Variants in TMEM131 observed in about 807,000 individuals in gnomAD.
The protein encoded by TMEM131 is transmembrane protein 131.
A neutral mutation model predicts 211.6 loss-of-function variants in TMEM131; 66 were observed. The observed-to-expected ratio is 0.31, with a 90% CI of 0.26 to 0.38. TMEM131 has a LOEUF of 0.38. Ranked by LOEUF, TMEM131 falls within the 10% of genes least tolerant of loss-of-function variation. TMEM131 has a pLI of 1.00. For missense variants in TMEM131, 2,036 were observed against 2,299.3 expected, an observed-to-expected ratio of 0.89 and a Z score of 2.34; for synonymous variants, 844 against 841.3, an observed-to-expected ratio of 1.00 and a Z score of -0.06.
chr2:97,833,441 G>A lies in TMEM131; in HGVS notation c.1013-15C>T, dbSNP rs1416030314. On this transcript the variant is annotated splice_polypyrimidine_tract_variant and intron_variant, in intron 10 of 40. Coordinates refer to ENST00000186436, the MANE Select transcript of TMEM131 (RefSeq NM_015348.2). ...TTTTGGTAGATCTGTTAAAATTGAGGAAAAGAAATATTTCTTAAAAAGGTG... is the reference window on the plus strand; with the variant it reads ...TTTTGGTAGATCTGTTAAAATTGAGAAAAAGAAATATTTCTTAAAAAGGTG... 8.3e-7 allele frequency: 1 copy of A among 1,209,900 alleles called. No homozygotes were observed. The allele number at this position is 1,209,900 out of a possible 1,614,324, so 74.9% of individuals were successfully genotyped here. A position where few individuals can be genotyped will look rare whatever the true frequency, so the allele number is the denominator to read the frequency against.
rs1559464622 is a variant in TMEM131, at chr2:97,943,067, AAGAAAGAAAGAAAGAAAG to A, written c.188-15598_188-15581del. 1.8e-3 allele frequency among the ~76,000 whole-genome samples: 254 copies of A among 138,306 alleles called. 3 individuals are homozygous for A. Among genetic ancestry groups the A allele is most frequent in the East Asian group, 0.017 (83 of 4,992 alleles). 90.7% of individuals were successfully genotyped at this position (138,306 alleles called of 152,430 possible). A position where few individuals can be genotyped will look rare whatever the true frequency, so the allele number is the denominator to read the frequency against. On this transcript the variant is annotated intron_variant, in intron 1 of 40. Transcript: ENST00000186436. ...AAAGAAAGAAAGAAAGAAAGAAAGA[AAGAAAGAAAGAAAGAAAG>A]AAAGAAAGAAAGAAAGAGCTGGGTG...
Position 97,980,000 on chromosome 2 carries a change from A to C in TMEM131, c.187+15476T>G, listed in dbSNP as rs140579558. The stretch of plus-strand genomic sequence containing the variant: ...AGTACTACTAATTGTCCTAATTTCA[A>C]TATTGTTGTCTCAGAGAAAACGACA... On this transcript the variant is annotated intron_variant, in intron 1 of 40. Coordinates refer to ENST00000186436, the MANE Select transcript of TMEM131 (RefSeq NM_015348.2). Among the ~76,000 whole-genome samples the C allele has an allele frequency of 3.9e-5, 6 of 152,254 alleles. No individual in the cohort carries two copies. In the East Asian group the frequency reaches 1.2e-3, roughly 29 times the overall value.
At chr2:97,801,793 C>T in intron 25 of TMEM131, 102 bp downstream of exon 25, 1 of 806,484 alleles carries the variant, frequency 1.2e-6, no homozygotes, top group Non-Finnish European at 1.9e-6. Flanking sequence ...AGTAACTTAC[C>T]CTTCAGCCAA....
At chr2:97,782,649 AAAG>A (rs1463709067) in intron 31 of TMEM131, among the ~76,000 whole-genome samples, 1 of 152,254 alleles carries the variant, frequency 6.6e-6, no homozygotes. Context: ...AATAGAAGCT[AAAG>A]AAGAACAAAA....
chr2:97,918,934 T>G (rs988326123), intron 2 of TMEM131, among the ~76,000 whole-genome samples: 5 of 152,190 alleles, frequency 3.3e-5, no homozygotes, highest in African/African-American at 1.2e-4. Context: ...TTCAAATGTG[T>G]TGGTTGTCTA....
At chr2:97,825,165 C>T (rs1412476705) in intron 11 of TMEM131, among the ~76,000 whole-genome samples, 2 of 152,208 alleles carry the variant, frequency 1.3e-5, no homozygotes, top group Non-Finnish European at 2.9e-5. Context: ...TTTGGTCAGG[C>T]ACTGGCCCAT....
chr2:97,888,523 G>T (rs1028059295), intron 3 of TMEM131, among the ~76,000 whole-genome samples: 1 of 152,196 alleles, frequency 6.6e-6, no homozygotes, highest in Non-Finnish European at 1.5e-5. Flanking sequence ...CAATCAGATT[G>T]TAACTAGAGT....
chr2:97,900,370 C>T (rs1029135078), intron 3 of TMEM131, among the ~76,000 whole-genome samples: 2 of 152,024 alleles, frequency 1.3e-5, no homozygotes, highest in African/African-American at 4.8e-5. Context: ...CTGGTAACCA[C>T]CATTCTACTC....
chr2:97,944,181 T>C (rs553511753), intron 1 of TMEM131, among the ~76,000 whole-genome samples: 3 of 152,118 alleles, frequency 2.0e-5, no homozygotes, highest in Admixed American at 6.5e-5. Context: ...TTATGGCCAA[T>C]TGATTTCGGC....
intron 3 of TMEM131, among the ~76,000 whole-genome samples, chr2:97,895,286 G>A (rs1675559257): frequency 6.6e-6 from 1 of 152,128 alleles, no homozygotes; most frequent in African/African-American, 2.4e-5. Context: ...ATTTTATTGA[G>A]GCTTCTCGCA....
At chr2:97,944,589 G>T (rs1677947770) in intron 1 of TMEM131, among the ~76,000 whole-genome samples, 1 of 152,064 alleles carries the variant, frequency 6.6e-6, no homozygotes, top group Non-Finnish European at 1.5e-5. Context: ...TACATACAGA[G>T]AATATAAAAA....
At position 97,812,554 on chromosome 2, in the gene TMEM131, A is replaced by C. The variant is rs1681597818; in HGVS notation, c.1730T>G (p.Leu577Trp). ...FAIINSNPIE[L>W]AIKSWHIIGD... ...TATGATATGCCAACTTTTTATAGCC[A>C]ACTTTAAAAAAAGATATGAAAATGA... The change falls in exon 17 of 41, where the codon TTG becomes TGG. Residue 577 changes from leucine to tryptophan, a missense_variant and splice_region_variant. By Grantham distance (61) the Leu-to-Trp change is moderately conservative (BLOSUM62 -2). Coordinates refer to ENST00000186436, the MANE Select transcript of TMEM131 (RefSeq NM_015348.2). 3 of 1,598,396 alleles carry C rather than the reference A, an allele frequency of 1.9e-6. No homozygotes were observed. The highest frequency in any genetic ancestry group is 2.6e-6 in the Non-Finnish European group (3 of 1,175,488).
chr2:97,894,448 T>C lies in TMEM131; in HGVS notation c.291-6328A>G, dbSNP rs555669450. Among the ~76,000 whole-genome samples the C allele has an allele frequency of 1.2e-3, 187 of 152,342 alleles. 1 individual carries two copies. The highest frequency in any genetic ancestry group is 4.1e-3 in the African/African-American group (171 of 41,590). On this transcript the variant is annotated intron_variant, in intron 3 of 40. Coordinates refer to ENST00000186436, the MANE Select transcript of TMEM131 (RefSeq NM_015348.2). Reference sequence around the variant, plus strand: ...CAATAGTAGCTTGATGGGGACAGCATTGAATCTATAAATTACTTTGGGCAG... The same window carrying C: ...CAATAGTAGCTTGATGGGGACAGCACTGAATCTATAAATTACTTTGGGCAG...
intron 3 of TMEM131, among the ~76,000 whole-genome samples, chr2:97,900,918 T>G (rs1050502833): frequency 7.2e-5 from 11 of 152,154 alleles, no homozygotes; most frequent in African/African-American, 2.4e-4. Flanking sequence ...TTCTAACAGG[T>G]GTGAGATGAT....
At chr2:97,974,148 GATACAAAGACAAATT>G (rs1379308900) in intron 1 of TMEM131, among the ~76,000 whole-genome samples, 2 of 152,110 alleles carry the variant, frequency 1.3e-5, no homozygotes, top group African/African-American at 4.8e-5. Flanking sequence ...AGAGATGGAA[GATACAAAGACAAATT>G]ATACTTCCAG....
intron 11 of TMEM131, chr2:97,827,369 C>T (rs1045840838): frequency 2.5e-5 from 23 of 925,094 alleles, no homozygotes; most frequent in South Asian, 1.9e-4. Flanking sequence ...AAGGCAGCAG[C>T]GAAGGATAAA....
chr2:97,889,697 G>A (rs1199740233), intron 3 of TMEM131, among the ~76,000 whole-genome samples: 2 of 151,862 alleles, frequency 1.3e-5, no homozygotes, highest in Non-Finnish European at 2.9e-5. Flanking sequence ...CTCTCACAGA[G>A]CCAAGAGGCT....
chr2:97,818,469 G>GC (rs1681944253), intron 12 of TMEM131, 144 bp downstream of exon 12: 1 of 142,754 alleles, frequency 7.0e-6, no homozygotes, highest in African/African-American at 1.0e-4. Flanking sequence ...ACAGCGGGGG[G>GC]GGGCGGGGGG....
At chr2:97,928,520 CATAAAATGACAAA>C (rs1281398252) in intron 1 of TMEM131, among the ~76,000 whole-genome samples, 9 of 151,578 alleles carry the variant, frequency 5.9e-5, no homozygotes, top group Non-Finnish European at 1.0e-4. Flanking sequence ...GGATGGAATG[CATAAAATGACAAA>C]ACAATTTAAC....
Sources: allele counts gnomAD v4.1 joint callset (sites outside exome capture counted in the v4.1 genomes callset), GRCh38; gene constraint gnomAD v4.1.1; transcripts MANE v1.5; gene names NCBI Gene and HGNC (gene_info 2026-07-23, HGNC 2026-07-21).